EIF3H: variants seen among roughly 807,000 people sequenced by gnomAD.
The protein encoded by EIF3H is eIF-3-gamma.
Under a neutral mutation model 44.2 loss-of-function variants are expected in EIF3H, and 26 were observed. The observed-to-expected ratio is 0.59, with a 90% CI of 0.43 to 0.82. EIF3H has a LOEUF of 0.82. EIF3H is among the 40% of genes least tolerant of loss of function. The pLI is 0.00. For missense variants in EIF3H, 359 were observed against 432.8 expected, an observed-to-expected ratio of 0.83 and a Z score of 1.51; for synonymous variants, 166 against 151.9, an observed-to-expected ratio of 1.09 and a Z score of -0.68.
intron 3 of EIF3H, chr8:116,658,201 A>G (rs1164569177): frequency 6.6e-6 from 1 of 152,172 alleles, no homozygotes; most frequent in Non-Finnish European, 1.5e-5. Flanking sequence ...TTTCTGACAG[A>G]TACTCAGGAC....
At chr8:116,702,201 C>A (rs1483025573) in intron 2 of EIF3H, among the ~76,000 whole-genome samples, 2 of 152,132 alleles carry the variant, frequency 1.3e-5, no homozygotes, top group African/African-American at 4.8e-5. Flanking sequence ...ACAGAATAAT[C>A]CACTATCCAG....
chr8:116,732,651 TCC>T (rs2130939554), intron 1 of EIF3H, among the ~76,000 whole-genome samples: 1 of 45,696 alleles, frequency 2.2e-5, no homozygotes, highest in African/African-American at 1.3e-4. Context: ...CTTCTTTCAT[TCC>T]CTCATTCATT....
At position 116,668,430 on chromosome 8, in the gene EIF3H, C is replaced by T. The variant is rs142753609; in HGVS notation, c.290-9450G>A. On this transcript the variant is annotated intron_variant, in intron 2 of 7. Coordinates refer to ENST00000521861, the MANE Select transcript of EIF3H (RefSeq NM_003756.3). ...CATTTTCCCATGTTTCTTTGGCAAA[C>T]GAATTATTCAATGCATACAATGTTA... 7.9e-5 allele frequency among the ~76,000 whole-genome samples: 12 copies of T among 152,226 alleles called. No homozygotes were observed. In the East Asian group the frequency reaches 1.9e-3, roughly 24 times the overall value.
At chr8:116,763,530 T>A (rs1287295165) in intron 1 of EIF3H, among the ~76,000 whole-genome samples, 3 of 152,254 alleles carry the variant, frequency 2.0e-5, no homozygotes, top group Admixed American at 6.5e-5. Flanking sequence ...TAACACCTTC[T>A]GACATATTTG....
intron 2 of EIF3H, among the ~76,000 whole-genome samples, chr8:116,695,067 CTTTTTTT>C (rs767166377): frequency 1.3e-4 from 17 of 133,562 alleles, no homozygotes; most frequent in Middle Eastern, 4.0e-3. Flanking sequence ...CTTCCTAATT[CTTTTTTT>C]TTTTTTTTTT....
intron 2 of EIF3H, among the ~76,000 whole-genome samples, chr8:116,664,276 C>T (rs542007368): frequency 5.3e-5 from 8 of 152,318 alleles, no homozygotes; most frequent in African/African-American, 1.9e-4. Flanking sequence ...ACAACTATCC[C>T]TTTCAAACAT....
chr8:116,676,112 GTTAGA>G (rs1246142692), intron 2 of EIF3H, among the ~76,000 whole-genome samples: 2 of 152,170 alleles, frequency 1.3e-5, no homozygotes, highest in African/African-American at 4.8e-5. Flanking sequence ...CCTTTAAAAG[GTTAGA>G]TTAAACTAAC....
chr8:116,762,538 G>A (rs116872701), intron 1 of EIF3H, among the ~76,000 whole-genome samples: 1 of 152,332 alleles, frequency 6.6e-6, no homozygotes, highest in Non-Finnish European at 1.5e-5. Flanking sequence ...GCCAAGCTAA[G>A]TTGACTTCCT....
chr8:116,740,855 G>A (rs904020812), intron 1 of EIF3H, among the ~76,000 whole-genome samples: 7 of 151,966 alleles, frequency 4.6e-5, no homozygotes, highest in Non-Finnish European at 5.9e-5. Flanking sequence ...CCAGCCCTGC[G>A]GCCTTAGGCA....
At chr8:116,656,519 G>A (rs1384239109) in intron 4 of EIF3H, among the ~76,000 whole-genome samples, 6 of 152,092 alleles carry the variant, frequency 3.9e-5, no homozygotes, top group Non-Finnish European at 5.9e-5. Flanking sequence ...ACCACATCCA[G>A]GAATTGTTCA....
At chr8:116,720,843 T>A in intron 2 of EIF3H, among the ~76,000 whole-genome samples, 1 of 152,128 alleles carries the variant, frequency 6.6e-6, no homozygotes, top group South Asian at 2.1e-4. Flanking sequence ...TTAGGGTATC[T>A]GGTGGAAAAA....
At chr8:116,710,037 C>G (rs73324072) in intron 2 of EIF3H, among the ~76,000 whole-genome samples, 1 of 152,202 alleles carries the variant, frequency 6.6e-6, no homozygotes, top group Non-Finnish European at 1.5e-5. Flanking sequence ...AGCGTTCACA[C>G]AGATTCCTTA....
intron 2 of EIF3H, among the ~76,000 whole-genome samples, chr8:116,702,659 A>C (rs1431158667): frequency 6.6e-6 from 1 of 152,178 alleles, no homozygotes; most frequent in East Asian, 1.9e-4. Flanking sequence ...AATCTGAAGA[A>C]TATGGTATCA....
intron 1 of EIF3H, among the ~76,000 whole-genome samples, chr8:116,731,677 TAATACCAGC>T (rs934843463): frequency 2.6e-5 from 4 of 152,284 alleles, no homozygotes; most frequent in African/African-American, 9.6e-5. Flanking sequence ...AGAGGGAAGG[TAATACCAGC>T]AACCCATCTT....
At chr8:116,712,384 AATGTCTGTAGGTTAG>A (rs1174647203) in intron 2 of EIF3H, among the ~76,000 whole-genome samples, 1 of 152,228 alleles carries the variant, frequency 6.6e-6, no homozygotes, top group African/African-American at 2.4e-5. Context: ...ATCAAAAGAC[AATGTCTGTAGGTTAG>A]ATGTTAGAGG....
intron 2 of EIF3H, among the ~76,000 whole-genome samples, chr8:116,666,664 T>G (rs1190660563): frequency 7.4e-6 from 1 of 134,858 alleles, no homozygotes; most frequent in African/African-American, 2.9e-5. Context: ...AACTCTCATA[T>G]AAAGAATAGC....
At chr8:116,710,259 T>C (rs1405907527) in intron 2 of EIF3H, among the ~76,000 whole-genome samples, 3 of 152,186 alleles carry the variant, frequency 2.0e-5, no homozygotes, top group Non-Finnish European at 4.4e-5. Flanking sequence ...GTGTCATCAG[T>C]CAGGCACTGA....
chr8:116,751,586 C>T (rs1410828577), intron 1 of EIF3H, among the ~76,000 whole-genome samples: 1 of 152,060 alleles, frequency 6.6e-6, no homozygotes, highest in African/African-American at 2.4e-5. Flanking sequence ...ATATGAGATG[C>T]CTATGAGATA....
chr8:116,715,891 T>C (rs1814652463), intron 2 of EIF3H, among the ~76,000 whole-genome samples: 2 of 113,052 alleles, frequency 1.8e-5, no homozygotes, highest in African/African-American at 5.0e-5. Context: ...TGAGTTTTTC[T>C]ACTCTTTTTT....
Sources: allele counts gnomAD v4.1 joint callset (sites outside exome capture counted in the v4.1 genomes callset), GRCh38; gene constraint gnomAD v4.1.1; transcripts MANE v1.5; gene names NCBI Gene and HGNC (gene_info 2026-07-23, HGNC 2026-07-21).